TRIM77: variants seen among roughly 807,000 people sequenced by gnomAD.
The protein encoded by TRIM77 is tripartite motif-containing protein 77.
Under a neutral mutation model 31.8 loss-of-function variants are expected in TRIM77, and 23 were observed. The observed-to-expected ratio is 0.72, with a 90% confidence interval of 0.52 to 1.02. The LOEUF (loss-of-function observed/expected upper bound fraction) is 1.02. Among genes scored for constraint, TRIM77 ranks in the 50% least tolerant of loss-of-function variants. The pLI is 0.00. For synonymous variants in TRIM77, 159 were observed against 183.1 expected (o/e 0.87, Z 1.06); for missense variants, 446 against 539.2 (o/e 0.83, Z 1.71).
rs1349554762 is a variant in TRIM77 at position 89,717,366 on chromosome 11, T to G, written c.860-13T>G. 1 of 1,518,026 alleles carries G rather than the reference T, an allele frequency of 6.6e-7. No homozygotes were observed. Among genetic ancestry groups the G allele is most frequent in the Admixed American group, 2.2e-5 (1 of 46,440 alleles). The allele number at this position is 1,518,026 out of a possible 1,614,324, so 94.0% of individuals were successfully genotyped here. A position where few individuals can be genotyped will look rare whatever the true frequency, so the allele number is the denominator to read the frequency against. ...AACTGTTTTTTTGCATTCACTGTTT[T>G]CTTTTGCCATAGTGTATATCACCTT... On this transcript the variant is annotated splice_polypyrimidine_tract_variant and intron_variant, in intron 5 of 5. Coordinates refer to ENST00000398290, the MANE Select transcript of TRIM77 (RefSeq NM_001146162.1).
chr11:89,710,731 C>T (rs1949117113), intron 1 of TRIM77, 22 bp downstream of exon 1: 1 of 1,489,316 alleles, frequency 6.7e-7, no homozygotes. Context: ...CTACTGATTG[C>T]ACTTTGAAAT....
chr11:89,716,727 T>C (rs1949163107), intron 5 of TRIM77, among the ~76,000 whole-genome samples: 1 of 152,172 alleles, frequency 6.6e-6, no homozygotes, highest in Non-Finnish European at 1.5e-5. Context: ...TCTTGGCCTT[T>C]TGGCTAAGAT....
chr11:89,717,716 T>C lies in TRIM77; in HGVS notation c.1197T>C (p.Tyr399=), dbSNP rs1159455085. 1 of 1,551,342 alleles carries C rather than the reference T, an allele frequency of 6.4e-7. No homozygotes were observed. Among genetic ancestry groups the C allele is most frequent in the African/African-American group, 1.4e-5 (1 of 73,152 alleles). Residue 399 remains tyrosine, a synonymous_variant, in exon 6 of 6, where the codon TAT becomes TAC. Coordinates refer to ENST00000398290, the MANE Select transcript of TRIM77 (RefSeq NM_001146162.1). ...CTACCTCCCCACTGTTACCTCACTA[T>C]ATTCCAAGGCCCCAAGGCTGGCTAG... ...LFSTSPLLPH[Y]IPRPQGWLGV...
rs1310700754 is a variant in TRIM77, at chr11:89,717,771, G to A, written c.1252G>A (p.Val418Met). Residue 418 changes from valine to methionine, a missense_variant, in exon 6 of 6, where the codon GTG becomes ATG. By Grantham distance (21) the Val-to-Met change is conservative (BLOSUM62 1). Transcript: ENST00000398290. Reference protein sequence around the residue: ...GVFLDYECGIVSFVNVAQSSL... With the variant: ...GVFLDYECGIMSFVNVAQSSL... ...GTTCCTGGATTATGAATGTGGGATA[G>A]TGAGCTTTGTTAATGTTGCCCAAAG... 2 of 1,551,244 alleles carry A rather than the reference G, an allele frequency of 1.3e-6. No homozygotes were observed. The highest frequency in any genetic ancestry group is 1.7e-6 in the Non-Finnish European group (2 of 1,146,716).
At chr11:89,714,020 C>T (rs918318761) in intron 2 of TRIM77, among the ~76,000 whole-genome samples, 172 bp from the exon 3 acceptor site, 8 of 151,360 alleles carry the variant, frequency 5.3e-5, no homozygotes, top group African/African-American at 9.7e-5. Flanking sequence ...TGCAGGGAAA[C>T]GGAAGAGGAA....
At chr11:89,716,034 A>G (rs1949159059) in intron 5 of TRIM77, 47 bp downstream of exon 5, 1 of 1,204,662 alleles carries the variant, frequency 8.3e-7, no homozygotes, top group Non-Finnish European at 1.2e-6. Flanking sequence ...GTATTTTTAT[A>G]TGGGTGACCT....
intron 2 of TRIM77, among the ~76,000 whole-genome samples, chr11:89,713,179 G>A (rs1460958192): frequency 6.6e-6 from 1 of 151,006 alleles, no homozygotes; most frequent in East Asian, 2.0e-4. Context: ...CGCAGGCTGA[G>A]GCAGGAGAAT....
At chr11:89,717,324 G>C in intron 5 of TRIM77, 55 bp from the exon 6 acceptor site, 2 of 1,465,540 alleles carry the variant, frequency 1.4e-6, no homozygotes, top group Non-Finnish European at 1.8e-6. Flanking sequence ...CTCTGCACCT[G>C]TACCTCCAAA....
Position 89,710,715 on chromosome 11 carries a change from T to C in TRIM77, c.411+6T>C, listed in dbSNP as rs1449020348. 4 of 1,516,336 alleles carry C rather than the reference T, an allele frequency of 2.6e-6. No individual in the cohort carries two copies. The African/African-American group carries it at 5.6e-5, about 21-fold the overall frequency. The allele number at this position is 1,516,336 out of a possible 1,614,324, so 93.9% of individuals were successfully genotyped here. A position where few individuals can be genotyped will look rare whatever the true frequency, so the allele number is the denominator to read the frequency against. ...AGGCTGATGAATACTATAGGGTAAG[T>C]AAATGCTACTGATTGCACTTTGAAA... On this transcript the variant is annotated splice_donor_region_variant and intron_variant, in intron 1 of 5. Transcript: ENST00000398290.
chr11:89,710,674 C>T lies in TRIM77; in HGVS notation c.376C>T (p.His126Tyr), dbSNP rs1690031476. 2.6e-6 allele frequency: 4 copies of T among 1,548,222 alleles called. No individual in the cohort carries two copies. Among genetic ancestry groups the T allele is most frequent in the Non-Finnish European group, 3.5e-6 (4 of 1,144,918 alleles). The change falls in exon 1 of 6, where the codon CAC becomes TAC. Residue 126 changes from histidine to tyrosine, a missense_variant. His to Tyr is a moderately conservative substitution (Grantham distance 83). Coordinates refer to ENST00000398290, the MANE Select transcript of TRIM77 (RefSeq NM_001146162.1). ...SQSPRHATHK[H>Y]YMTREADEYY... Reference sequence around the variant, plus strand: ...ATCCCCAAGGCATGCTACTCACAAACACTATATGACAAGGGAGGCTGATGA... The same window carrying T: ...ATCCCCAAGGCATGCTACTCACAAATACTATATGACAAGGGAGGCTGATGA...
At chr11:89,715,296 T>C (rs1187846481) in intron 4 of TRIM77, 116 bp downstream of exon 4, 5 of 955,988 alleles carry the variant, frequency 5.2e-6, no homozygotes, top group Non-Finnish European at 8.0e-6. Context: ...TCCTTTCTTA[T>C]CAAAGGTCAT....
Position 89,710,360 on chromosome 11 carries a change from AT to A in TRIM77, c.65del (p.Leu22Ter). On this transcript the variant is annotated frameshift_variant, in exon 1 of 6. Transcript: ENST00000398290. LOFTEE classifies it high-confidence loss of function. ...SELTCSICTD[Y>X]LTDPVTICCG... Reference sequence around the variant, plus strand: ...CTCACCTGCTCGATCTGCACAGACTATTTGACAGACCCTGTCACCATTTGTT... The same window carrying A: ...CTCACCTGCTCGATCTGCACAGACTATTGACAGACCCTGTCACCATTTGTT... 6.4e-7 allele frequency: 1 copy of A among 1,551,964 alleles called. No homozygotes were observed. Among genetic ancestry groups the A allele is most frequent in the Non-Finnish European group, 8.7e-7 (1 of 1,146,974 alleles).
intron 1 of TRIM77, 132 bp from the exon 2 acceptor site, chr11:89,711,278 C>T (rs1351026391): frequency 4.0e-6 from 2 of 494,210 alleles, no homozygotes; most frequent in African/African-American, 4.1e-5. Flanking sequence ...ACAATCAGTG[C>T]CCTTAAGAAA....
At position 89,717,399 on chromosome 11, in the gene TRIM77, A is replaced by C; in HGVS notation, c.880A>C (p.Lys294Gln). The C allele has an allele frequency of 6.5e-7, 1 of 1,550,128 alleles. No homozygotes were observed. The highest frequency in any genetic ancestry group is 2.4e-5 in the East Asian group (1 of 40,896). ...FFRVYITLDR[K>Q]ICSNHKLLFE... ...CATAGTGTATATCACCTTGGATCGT[A>C]AGATATGCAGTAATCACAAGCTTCT... is the stretch of plus-strand genomic sequence containing the variant. Residue 294 changes from lysine (K) to glutamine (Q), a missense_variant, in exon 6 of 6, where the codon AAG becomes CAG. By Grantham distance (53) the Lys-to-Gln change is moderately conservative. This residue lies in a region of TRIM77 where 366 missense variants were observed against 447.9 expected (regional missense o/e 0.82). Coordinates refer to ENST00000398290, the MANE Select transcript of TRIM77 (RefSeq NM_001146162.1).
intron 2 of TRIM77, among the ~76,000 whole-genome samples, chr11:89,712,467 T>A (rs1466595089): frequency 6.6e-6 from 1 of 152,134 alleles, no homozygotes; most frequent in African/African-American, 2.4e-5. Context: ...ATAAATAATG[T>A]TCGTGAAGTG....
rs1949169453 is a variant in TRIM77, at chr11:89,717,468, G to C, written c.949G>C (p.Asp317His). 1 of 1,551,540 alleles carries C rather than the reference G, an allele frequency of 6.4e-7. No homozygotes were observed. Among genetic ancestry groups the C allele is most frequent in the Non-Finnish European group, 8.7e-7 (1 of 1,146,910 alleles). ...RHLQCSLDDT[D>H]MSCNPTSTQY... The stretch of plus-strand genomic sequence containing the variant: ...TTTGCAGTGCAGCCTTGATGATACA[G>C]ACATGTCCTGTAATCCAACAAGTAC... The change falls in exon 6 of 6, where the codon GAC (aspartate) becomes CAC (histidine). Residue 317 changes from aspartate to histidine, a missense_variant. This residue lies in a region of TRIM77 where 366 missense variants were observed against 447.9 expected (regional missense o/e 0.82). Coordinates refer to ENST00000398290, the MANE Select transcript of TRIM77 (RefSeq NM_001146162.1).
rs777061324 is a variant in TRIM77 at position 89,710,578 on chromosome 11, A to T, written c.280A>T (p.Arg94Trp). The change falls in exon 1 of 6, where the codon AGG becomes TGG. Residue 94 changes from arginine (R) to tryptophan (W), a missense_variant. By Grantham distance (101) the Arg-to-Trp change is moderately radical (BLOSUM62 -3). Transcript: ENST00000398290. ...ATCAAGCTCTGCCATGCTGATCTGT[A>T]GGAGACACCAGGAAATCAAGAACCT... is the stretch of plus-strand genomic sequence containing the variant. ...QLSSSAMLIC[R>W]RHQEIKNLIC... The T allele has an allele frequency of 6.4e-7, 1 of 1,551,568 alleles. No individual in the cohort carries two copies. The highest frequency in any genetic ancestry group is 1.4e-5 in the African/African-American group (1 of 73,040).
Position 89,717,684 on chromosome 11 carries a change from C to T in TRIM77, c.1165C>T (p.Leu389Phe), listed in dbSNP as rs1482834937. 6 of 1,551,278 alleles carry T rather than the reference C, an allele frequency of 3.9e-6. No homozygotes were observed. The highest frequency in any genetic ancestry group is 3.6e-5 in the South Asian group (3 of 84,038). The change falls in exon 6 of 6, where the codon CTC becomes TTC. Residue 389 changes from leucine (L) to phenylalanine (F), a missense_variant. This residue lies in a region of TRIM77 where 366 missense variants were observed against 447.9 expected (regional missense o/e 0.82). Coordinates refer to ENST00000398290, the MANE Select transcript of TRIM77 (RefSeq NM_001146162.1). ...TCTCAAAGTGGATGACCATTTCAGTCTCTTCTCTACCTCCCCACTGTTACC... is the reference window on the plus strand; with the variant it reads ...TCTCAAAGTGGATGACCATTTCAGTTTCTTCTCTACCTCCCCACTGTTACC... ...LCLKVDDHFS[L>F]FSTSPLLPHY...
At chr11:89,712,907 AT>A (rs1244826934) in intron 2 of TRIM77, among the ~76,000 whole-genome samples, 2 of 152,054 alleles carry the variant, frequency 1.3e-5, no homozygotes, top group Non-Finnish European at 1.5e-5. Flanking sequence ...GAATATTTTA[AT>A]TTTTTTTCCA....
Sources: gnomAD v4.1 joint callset for allele counts (sites outside exome capture counted in the v4.1 genomes callset) on GRCh38, gnomAD v4.1.1 for gene constraint, gnomAD v4.1.1 regional missense constraint, MANE v1.5 for transcripts, NCBI Gene and HGNC (gene_info 2026-07-23, HGNC 2026-07-21) for gene names.